Variants in KCNH7 observed in about 807,000 individuals in gnomAD.
KCNH7 encodes potassium voltage-gated channel subfamily H member 7, also known as voltage-gated inwardly rectifying potassium channel KCNH7.
KCNH7 carries 49 observed loss-of-function variants against 120.8 expected under a neutral mutation model. That is an observed-to-expected ratio of 0.41 (90% CI 0.32 to 0.51). The LOEUF (loss-of-function observed/expected upper bound fraction) is 0.51. KCNH7 is among the 20% of genes least tolerant of loss of function. The probability of loss-of-function intolerance (pLI) is 0.38; values close to 1 mark genes in which losing one functional copy is unlikely to be tolerated. For synonymous variants in KCNH7, 547 were observed against 516.1 expected (o/e 1.06, Z -0.81); for missense variants, 1,097 against 1,446.6 (o/e 0.76, Z 3.92).
chr2:162,481,481 T>C (rs939207256), intron 6 of KCNH7, among the ~76,000 whole-genome samples: 1 of 152,180 alleles, frequency 6.6e-6, no homozygotes. Flanking sequence ...GCTAATGGAA[T>C]AAGAGAGTCT....
chr2:162,490,474 C>T (rs1690259893), intron 6 of KCNH7, among the ~76,000 whole-genome samples: 1 of 152,222 alleles, frequency 6.6e-6, no homozygotes, highest in Admixed American at 6.5e-5. Context: ...AGAAGCCAGA[C>T]CTAGCTGAGC....
chr2:162,720,462 GT>G (rs1358258992), intron 2 of KCNH7, among the ~76,000 whole-genome samples: 1 of 151,880 alleles, frequency 6.6e-6, no homozygotes. Context: ...GCTCACAGGT[GT>G]TTAAAAACCA....
At chr2:162,764,096 C>T (rs1005706616) in intron 2 of KCNH7, among the ~76,000 whole-genome samples, 7 of 151,850 alleles carry the variant, frequency 4.6e-5, no homozygotes, top group Non-Finnish European at 7.4e-5. Flanking sequence ...TGCTATTTCA[C>T]GTAAAAATAG....
chr2:162,801,586 T>G (rs1684351917), intron 2 of KCNH7, among the ~76,000 whole-genome samples: 1 of 151,758 alleles, frequency 6.6e-6, no homozygotes, highest in Non-Finnish European at 1.5e-5. Context: ...TCATTACAAA[T>G]AGATGAAGGA....
At chr2:162,683,529 A>C (rs1258820141) in intron 2 of KCNH7, among the ~76,000 whole-genome samples, 1 of 151,978 alleles carries the variant, frequency 6.6e-6, no homozygotes, top group Non-Finnish European at 1.5e-5. Context: ...AGAATATCTG[A>C]ATTCACAAAG....
At chr2:162,480,595 C>G (rs1041103483) in intron 6 of KCNH7, among the ~76,000 whole-genome samples, 3 of 152,156 alleles carry the variant, frequency 2.0e-5, no homozygotes, top group Non-Finnish European at 2.9e-5. Context: ...TTTCATGCAG[C>G]TTTTTACATG....
chr2:162,733,620 C>A (rs1016522090), intron 2 of KCNH7, among the ~76,000 whole-genome samples: 2 of 152,198 alleles, frequency 1.3e-5, no homozygotes, highest in African/African-American at 2.4e-5. Context: ...TTATTGTGAG[C>A]CTCTGAGACT....
At chr2:162,482,411 A>T (rs1689959513) in intron 6 of KCNH7, among the ~76,000 whole-genome samples, 1 of 152,086 alleles carries the variant, frequency 6.6e-6, no homozygotes, top group Non-Finnish European at 1.5e-5. Context: ...GGTGAGGAGC[A>T]AATGCCAAAA....
intron 2 of KCNH7, among the ~76,000 whole-genome samples, chr2:162,569,418 CT>C (rs1445697588): frequency 6.9e-6 from 1 of 145,650 alleles, no homozygotes; most frequent in Non-Finnish European, 1.5e-5. Context: ...ATTCTTCTCT[CT>C]TTTTTTCTTT....
At chr2:162,768,538 A>C (rs1399241831) in intron 2 of KCNH7, among the ~76,000 whole-genome samples, 1 of 152,176 alleles carries the variant, frequency 6.6e-6, no homozygotes, top group Non-Finnish European at 1.5e-5. Flanking sequence ...TGGATATAGG[A>C]TAGAGAAAAA....
At chr2:162,508,404 CTT>C (rs759047149) in intron 5 of KCNH7, among the ~76,000 whole-genome samples, 2 of 150,854 alleles carry the variant, frequency 1.3e-5, no homozygotes, top group Non-Finnish European at 3.0e-5. Context: ...TTCAGCAAAA[CTT>C]AAAATATTAC....
chr2:162,623,687 C>T (rs1301832851), intron 2 of KCNH7, among the ~76,000 whole-genome samples: 2 of 152,086 alleles, frequency 1.3e-5, no homozygotes, highest in Non-Finnish European at 2.9e-5. Flanking sequence ...TATCTCAGTT[C>T]CCTGTAAAAT....
At chr2:162,408,774 A>G (rs1687302729) in intron 9 of KCNH7, among the ~76,000 whole-genome samples, 2 of 151,998 alleles carry the variant, frequency 1.3e-5, no homozygotes, top group South Asian at 2.1e-4. Context: ...TAGAAATTTT[A>G]TAGTCACTAA....
At chr2:162,504,352 C>A (rs557659837) in intron 6 of KCNH7, 91 bp downstream of exon 6, 2 of 955,392 alleles carry the variant, frequency 2.1e-6, no homozygotes, top group South Asian at 3.0e-5. Flanking sequence ...CTTACCTCTA[C>A]CGACAGTCAT....
chr2:162,597,507 G>A (rs1272345141), intron 2 of KCNH7, among the ~76,000 whole-genome samples: 1 of 152,070 alleles, frequency 6.6e-6, no homozygotes, highest in Non-Finnish European at 1.5e-5. Context: ...GAAGTAGAGA[G>A]TAGAATGGTG....
intron 12 of KCNH7, among the ~76,000 whole-genome samples, chr2:162,386,324 A>G (rs1388058527): frequency 6.6e-6 from 1 of 151,862 alleles, no homozygotes; most frequent in East Asian, 1.9e-4. Flanking sequence ...CTTCTTTCCA[A>G]TTTTCTTTGT....
rs966937916 is a variant in KCNH7, at chr2:162,709,860, C to A, written c.307+126677G>T. Among the ~76,000 whole-genome samples, 3 of 152,042 alleles carry A rather than the reference C, an allele frequency of 2.0e-5. No homozygotes were observed. In the East Asian group the frequency reaches 5.8e-4, roughly 29 times the overall value. ...TATTTGTCAAACTTATAATCTGTAC[C>A]CTTGCAGACTGCCCAGTATGTACCA... On this transcript the variant is annotated intron_variant, in intron 2 of 15. Coordinates refer to ENST00000332142, the MANE Select transcript of KCNH7 (RefSeq NM_033272.4).
chr2:162,490,505 G>A (rs1690260524), intron 6 of KCNH7, among the ~76,000 whole-genome samples: 1 of 152,222 alleles, frequency 6.6e-6, no homozygotes, highest in African/African-American at 2.4e-5. Flanking sequence ...GAAATCCTGT[G>A]TCATTTTGGG....
intron 2 of KCNH7, among the ~76,000 whole-genome samples, chr2:162,637,721 TA>T (rs571880789): frequency 1.1e-3 from 167 of 152,080 alleles, no homozygotes; most frequent in African/African-American, 3.9e-3. Context: ...CAATTTTGAT[TA>T]AAAAAACAAA....
Sources: gnomAD v4.1 joint callset for allele counts (sites outside exome capture counted in the v4.1 genomes callset) on GRCh38, gnomAD v4.1.1 for gene constraint, MANE v1.5 for transcripts, NCBI Gene and HGNC (gene_info 2026-07-23, HGNC 2026-07-21) for gene names.